Variants in ESRRG observed in about 807,000 individuals in gnomAD.
ESRRG encodes the protein estrogen related receptor gamma.
In ESRRG, 13 loss-of-function variants were observed where a neutral mutation model predicts 44.0. That is an observed-to-expected ratio of 0.30 (90% CI 0.19 to 0.47). The LOEUF (loss-of-function observed/expected upper bound fraction) is 0.47. Ranked by LOEUF, ESRRG falls within the 20% of genes least tolerant of loss-of-function variation. The probability of loss-of-function intolerance (pLI) is 1.00; values close to 1 mark genes in which losing one functional copy is unlikely to be tolerated. For synonymous variants in ESRRG, 215 were observed against 214.6 expected (o/e 1.00, Z -0.02); for missense variants, 395 against 580.6 (o/e 0.68, Z 3.29).
At chr1:217,098,413 T>C (rs2092457312) in intron 1 of ESRRG, among the ~76,000 whole-genome samples, 1 of 152,188 alleles carries the variant, frequency 6.6e-6, no homozygotes, top group Admixed American at 6.5e-5. Flanking sequence ...TTATGCCCAA[T>C]TTATAGATGA....
intron 2 of ESRRG, among the ~76,000 whole-genome samples, chr1:216,740,721 T>C (rs1306392639): frequency 2.0e-5 from 3 of 152,036 alleles, no homozygotes; most frequent in African/African-American, 7.2e-5. Context: ...TACACACCTT[T>C]CTATATCACC....
chr1:216,676,344 A>G (rs993666390), intron 2 of ESRRG, among the ~76,000 whole-genome samples: 9 of 152,158 alleles, frequency 5.9e-5, no homozygotes, highest in Non-Finnish European at 1.0e-4. Flanking sequence ...TATATCACTT[A>G]TATATGTTGG....
chr1:216,787,852 C>A (rs906234298), intron 2 of ESRRG, among the ~76,000 whole-genome samples: 1 of 151,932 alleles, frequency 6.6e-6, no homozygotes, highest in Non-Finnish European at 1.5e-5. Flanking sequence ...ATAATAAGAA[C>A]GTGAAGCAGC....
chr1:216,577,410 A>G lies in ESRRG; in HGVS notation c.590-9312T>C, dbSNP rs2061878536. ...ATCCTTTTCAAAATTGCTTTCTCAT[A>G]TGAATAAAGTTATGAATTCATGGGT... On this transcript the variant is annotated intron_variant, in intron 3 of 6. Coordinates refer to ENST00000408911, the MANE Select transcript of ESRRG (RefSeq NM_001438.4). Among the ~76,000 whole-genome samples, 4 of 152,034 alleles carry G rather than the reference A, an allele frequency of 2.6e-5. No homozygotes were observed. In the South Asian group the frequency reaches 6.2e-4, roughly 24 times the overall value.
At chr1:216,597,537 A>G (rs948960325) in intron 3 of ESRRG, among the ~76,000 whole-genome samples, 1 of 152,188 alleles carries the variant, frequency 6.6e-6, no homozygotes, top group African/African-American at 2.4e-5. Context: ...TAATTAAAAT[A>G]AAATAAAATT....
At chr1:216,530,238 C>T (rs1259005689) in intron 5 of ESRRG, among the ~76,000 whole-genome samples, 1 of 151,246 alleles carries the variant, frequency 6.6e-6, no homozygotes, top group East Asian at 1.9e-4. Context: ...AAGCACATTC[C>T]ACACACTGAA....
At chr1:216,675,494 CT>C (rs2075946322) in intron 2 of ESRRG, among the ~76,000 whole-genome samples, 1 of 152,172 alleles carries the variant, frequency 6.6e-6, no homozygotes, top group African/African-American at 2.4e-5. Context: ...ACTTTGAAAA[CT>C]AGTACGTCAC....
chr1:217,017,006 C>T (rs2079490938), intron 1 of ESRRG, among the ~76,000 whole-genome samples: 1 of 152,118 alleles, frequency 6.6e-6, no homozygotes, highest in African/African-American at 2.4e-5. Flanking sequence ...GACTGCAAAT[C>T]AATAAGTGAT....
intron 1 of ESRRG, among the ~76,000 whole-genome samples, chr1:217,018,761 A>C (rs1341902460): frequency 6.6e-6 from 1 of 152,072 alleles, no homozygotes; most frequent in African/African-American, 2.4e-5. Flanking sequence ...AAAAAATTTC[A>C]TCTCTGAAGT....
At chr1:216,960,940 T>C (rs1378873622) in intron 1 of ESRRG, among the ~76,000 whole-genome samples, 1 of 152,184 alleles carries the variant, frequency 6.6e-6, no homozygotes, top group Non-Finnish European at 1.5e-5. Context: ...TTGATTTTAA[T>C]GCTCTACTGT....
At chr1:216,882,291 C>T (rs925979240) in intron 2 of ESRRG, among the ~76,000 whole-genome samples, 1 of 152,170 alleles carries the variant, frequency 6.6e-6, no homozygotes, top group South Asian at 2.1e-4. Flanking sequence ...GCTTTGTCAG[C>T]TACCAGAGTA....
intron 3 of ESRRG, among the ~76,000 whole-genome samples, chr1:216,628,833 G>A (rs769949819): frequency 4.6e-5 from 7 of 152,156 alleles, no homozygotes; most frequent in Non-Finnish European, 7.4e-5. Flanking sequence ...TCATTATCAA[G>A]TCCCTGACTC....
At chr1:216,745,549 A>C (rs184192825) in intron 2 of ESRRG, among the ~76,000 whole-genome samples, 10 of 144,232 alleles carry the variant, frequency 6.9e-5, no homozygotes, top group Admixed American at 6.7e-4. Flanking sequence ...ACACTGTGCT[A>C]TGCATAGGAG....
chr1:216,725,899 G>A (rs977421011), upstream of ESRRG, among the ~76,000 whole-genome samples: 3 of 152,012 alleles, frequency 2.0e-5, no homozygotes, highest in African/African-American at 7.2e-5. Flanking sequence ...CTTTGAAATG[G>A]CTTTTTAAAG....
intron 3 of ESRRG, among the ~76,000 whole-genome samples, chr1:216,623,207 C>T (rs4295936): frequency 0.39 from 59,596 of 151,032 alleles, 12,312 homozygotes; most frequent in East Asian, 0.52. Context: ...CTCAGCCTCC[C>T]GAGTTGCTGG....
intron 5 of ESRRG, among the ~76,000 whole-genome samples, chr1:216,531,430 T>C (rs1440533588): frequency 6.6e-6 from 1 of 152,022 alleles, no homozygotes; most frequent in African/African-American, 2.4e-5. Flanking sequence ...GCTAAGTCAT[T>C]ATGGCTTGGC....
Position 216,516,725 on chromosome 1 carries a change from T to C in ESRRG, c.1132+2427A>G, listed in dbSNP as rs562680259. 2.7e-5 allele frequency among the ~76,000 whole-genome samples: 4 copies of C among 150,722 alleles called. No individual in the cohort carries two copies. The East Asian group carries it at 7.8e-4, about 29-fold the overall frequency. On this transcript the variant is annotated intron_variant, in intron 6 of 6. Coordinates refer to ENST00000408911, the MANE Select transcript of ESRRG (RefSeq NM_001438.4). ...GAAGCCCTTTAGGGTGTCTAAAGTA[T>C]TAAAATATTTTTATACTGATATGTG... is the stretch of plus-strand genomic sequence containing the variant.
intron 3 of ESRRG, among the ~76,000 whole-genome samples, chr1:216,639,148 G>C (rs2065890559): frequency 6.6e-6 from 1 of 152,146 alleles, no homozygotes; most frequent in South Asian, 2.1e-4. Flanking sequence ...GGCAGGAGTA[G>C]GGAGGGGACC....
intron 2 of ESRRG, among the ~76,000 whole-genome samples, chr1:216,758,554 T>C (rs1200879610): frequency 1.3e-5 from 2 of 151,954 alleles, no homozygotes; most frequent in African/African-American, 4.8e-5. Flanking sequence ...TTTAACCTCC[T>C]GGGCAATTTT....
Sources: allele counts gnomAD v4.1 joint callset (sites outside exome capture counted in the v4.1 genomes callset), GRCh38; gene constraint gnomAD v4.1.1; transcripts MANE v1.5; gene names NCBI Gene and HGNC (gene_info 2026-07-23, HGNC 2026-07-21).